Variants in AGBL1 observed in about 807,000 individuals in gnomAD.
AGBL1 encodes the protein AGBL carboxypeptidase 1.
In AGBL1, 130 loss-of-function variants were observed where a neutral mutation model predicts 118.9. The observed-to-expected ratio is 1.09, with a 90% CI of 0.95 to 1.26. The LOEUF (loss-of-function observed/expected upper bound fraction) is 1.26, where lower values mean the gene tolerates loss of function less well. Among genes scored for constraint, AGBL1 ranks in the 50% most tolerant of loss-of-function variants. The pLI is 0.00. For synonymous variants in AGBL1, 555 were observed against 478.9 expected (o/e 1.16, Z -2.08); for missense variants, 1,584 against 1,298.1 (o/e 1.22, Z -3.38).
chr15:86,938,415 A>C (rs2080703872), intron 23 of AGBL1, among the ~76,000 whole-genome samples: 1 of 152,188 alleles, frequency 6.6e-6, no homozygotes, highest in African/African-American at 2.4e-5. Flanking sequence ...AGCTACTAAA[A>C]TAATCATAGT....
At chr15:86,505,210 T>C (rs1304805848) in intron 18 of AGBL1, among the ~76,000 whole-genome samples, 1 of 151,946 alleles carries the variant, frequency 6.6e-6, no homozygotes, top group Non-Finnish European at 1.5e-5. Flanking sequence ...GATATTTTGG[T>C]TATTACATGT....
At chr15:86,386,264 C>CCCT (rs55841362) in intron 17 of AGBL1, among the ~76,000 whole-genome samples, 182 of 17,684 alleles carry the variant, frequency 0.01, 9 homozygotes, top group Non-Finnish European at 0.014. Flanking sequence ...CCTCCCTCCT[C>CCCT]CCTCCTCCTC....
chr15:86,510,933 T>C (rs1341442717), intron 18 of AGBL1, among the ~76,000 whole-genome samples: 1 of 152,036 alleles, frequency 6.6e-6, no homozygotes, highest in East Asian at 1.9e-4. Context: ...TGCTGAGAAA[T>C]TGTCAGAACG....
intron 22 of AGBL1, among the ~76,000 whole-genome samples, chr15:86,783,664 C>A (rs912067887): frequency 6.6e-6 from 1 of 152,184 alleles, no homozygotes; most frequent in Admixed American, 6.5e-5. Context: ...GAGTCTCACT[C>A]CGTCACCCAG....
At chr15:86,777,798 A>T (rs2141300893) in intron 22 of AGBL1, among the ~76,000 whole-genome samples, 1 of 152,196 alleles carries the variant, frequency 6.6e-6, no homozygotes, top group East Asian at 1.9e-4. Context: ...TTTTATCCAC[A>T]TTTAACATAT....
At chr15:86,386,364 G>T (rs920792998) in intron 17 of AGBL1, among the ~76,000 whole-genome samples, 1 of 144,294 alleles carries the variant, frequency 6.9e-6, no homozygotes, top group Non-Finnish European at 1.5e-5. Flanking sequence ...GCAGCCCCAG[G>T]CCAGCTGGTT....
chr15:86,657,787 A>G (rs1330606054), intron 21 of AGBL1, among the ~76,000 whole-genome samples: 2 of 151,994 alleles, frequency 1.3e-5, no homozygotes, highest in African/African-American at 2.4e-5. Context: ...TGAGATTGAC[A>G]AAATGGGCTA....
At chr15:86,871,789 G>A (rs527706087) in intron 22 of AGBL1, among the ~76,000 whole-genome samples, 5 of 152,146 alleles carry the variant, frequency 3.3e-5, no homozygotes, top group African/African-American at 1.2e-4. Flanking sequence ...CAAGAACTCC[G>A]GAGACCTACT....
chr15:86,321,776 CA>C (rs71144040), intron 17 of AGBL1, among the ~76,000 whole-genome samples: 38 of 144,314 alleles, frequency 2.6e-4, no homozygotes, highest in Admixed American at 8.3e-4. Flanking sequence ...GACTCTGTCT[CA>C]AAAAAAAAAA....
At chr15:86,890,710 C>T (rs921092343) in intron 22 of AGBL1, among the ~76,000 whole-genome samples, 3 of 151,906 alleles carry the variant, frequency 2.0e-5, no homozygotes, top group African/African-American at 7.3e-5. Flanking sequence ...GGTGTGTGGT[C>T]TTGTTTCTGA....
rs558065611 is a variant in AGBL1, at chr15:86,181,935, C to T, written c.488+22909C>T. Among the ~76,000 whole-genome samples the T allele has an allele frequency of 8.6e-5, 13 of 151,954 alleles. No individual in the cohort carries two copies. In the South Asian group the frequency reaches 2.7e-3, roughly 32 times the overall value. ...GGCAAATGCATTATAACTAACAACACCATCATCAATAATTAGATCATGCAT... is the reference window on the plus strand; with the variant it reads ...GGCAAATGCATTATAACTAACAACATCATCATCAATAATTAGATCATGCAT... On this transcript the variant is annotated intron_variant, in intron 5 of 22. Transcript: ENST00000614907.
intron 10 of AGBL1, among the ~76,000 whole-genome samples, chr15:86,263,462 C>T (rs371448560): frequency 1.2e-4 from 18 of 152,356 alleles, no homozygotes; most frequent in African/African-American, 3.6e-4. Context: ...TTAGGTAATG[C>T]ATGACTGTAG....
chr15:86,718,190 C>T (rs539156043), intron 22 of AGBL1, among the ~76,000 whole-genome samples: 5 of 152,136 alleles, frequency 3.3e-5, no homozygotes, highest in African/African-American at 4.8e-5. Flanking sequence ...TAAGGCTGAT[C>T]GCTGCCCAGC....
intron 22 of AGBL1, among the ~76,000 whole-genome samples, chr15:86,693,688 GT>G (rs201049949): frequency 9.7e-4 from 147 of 151,606 alleles, no homozygotes; most frequent in Non-Finnish European, 1.2e-3. Flanking sequence ...TGCCTAGAGG[GT>G]CTTTTCCAAT....
intron 23 of AGBL1, among the ~76,000 whole-genome samples, chr15:86,944,312 G>C (rs1383116419): frequency 1.3e-5 from 2 of 152,132 alleles, no homozygotes; most frequent in Non-Finnish European, 2.9e-5. Context: ...CAGGGAGGCA[G>C]AGGTTACGGG....
chr15:86,781,146 G>C (rs2078330506), intron 22 of AGBL1, among the ~76,000 whole-genome samples: 1 of 151,922 alleles, frequency 6.6e-6, no homozygotes, highest in Non-Finnish European at 1.5e-5. Context: ...ATAACATAGA[G>C]ATGAATTTTT....
intron 17 of AGBL1, chr15:86,296,546 A>T (rs1356242526): frequency 6.6e-6 from 1 of 152,198 alleles, no homozygotes; most frequent in Non-Finnish European, 1.5e-5. Flanking sequence ...TTCCCTGATG[A>T]AGTGCTAGCC....
chr15:86,143,795 A>G lies in AGBL1; in HGVS notation c.212A>G (p.Tyr71Cys), dbSNP rs1042640504. ...VDTARTAPPD[Y>C]DILLPLFRLL... ...ACAGCGAGGACAGCTCCTCCAGACT[A>G]TGACATCCTCCTGCCTCTCTTCCGG... Residue 71 changes from tyrosine to cysteine, a missense_variant, in exon 3 of 23, where the codon TAT (tyrosine) becomes TGT (cysteine). Transcript: ENST00000614907. 3 of 1,613,868 alleles carry G rather than the reference A, an allele frequency of 1.9e-6. No homozygotes were observed. The highest frequency in any genetic ancestry group is 1.3e-5 in the African/African-American group (1 of 75,056).
chr15:86,724,605 A>AT (rs2086791360), intron 22 of AGBL1, among the ~76,000 whole-genome samples: 1 of 152,166 alleles, frequency 6.6e-6, no homozygotes, highest in African/African-American at 2.4e-5. Flanking sequence ...TATTTGCTCC[A>AT]TTTTTAGCAT....
Sources: gnomAD v4.1 joint callset for allele counts (sites outside exome capture counted in the v4.1 genomes callset) on GRCh38, gnomAD v4.1.1 for gene constraint, MANE v1.5 for transcripts, NCBI Gene and HGNC (gene_info 2026-07-23, HGNC 2026-07-21) for gene names.